VPS50: variants seen among roughly 807,000 people sequenced by gnomAD.
The protein encoded by VPS50 is VPS50 subunit of EARP/GARPII complex, also known as syndetin.
Under a neutral mutation model 139.7 loss-of-function variants are expected in VPS50, and 70 were observed. The ratio of observed to expected loss-of-function variants is 0.50; its 90% CI spans 0.41 to 0.61. VPS50 has a LOEUF of 0.61. Among genes scored for constraint, VPS50 ranks in the 20% least tolerant of loss-of-function variants. The pLI is 0.00. For missense variants in VPS50, 921 were observed against 1,133.7 expected, an observed-to-expected ratio of 0.81 and a Z score of 2.69; for synonymous variants, 365 against 376.7, an observed-to-expected ratio of 0.97 and a Z score of 0.36.
At chr7:93,268,159 T>TAG (rs1795897635) in intron 9 of VPS50, among the ~76,000 whole-genome samples, 1 of 152,160 alleles carries the variant, frequency 6.6e-6, no homozygotes, top group Admixed American at 6.5e-5. Flanking sequence ...CCAAATCATA[T>TAG]AGAATATTGA....
chr7:93,252,956 A>G (rs1468529441), intron 3 of VPS50, among the ~76,000 whole-genome samples, 181 bp downstream of exon 3: 1 of 152,192 alleles, frequency 6.6e-6, no homozygotes, highest in South Asian at 2.1e-4. Flanking sequence ...TATTTTTTGA[A>G]TGTAACTTTA....
chr7:93,257,840 T>G (rs2116837271), intron 6 of VPS50: 1 of 241,856 alleles, frequency 4.1e-6, no homozygotes, highest in East Asian at 8.9e-5. Context: ...AATACAGTCT[T>G]AATTTTTTTA....
At chr7:93,310,341 A>G (rs1471167182) in intron 19 of VPS50, among the ~76,000 whole-genome samples, 1 of 151,992 alleles carries the variant, frequency 6.6e-6, no homozygotes, top group African/African-American at 2.4e-5. Context: ...CTTGTATTTT[A>G]CCACTACCAT....
At chr7:93,256,481 T>G in intron 4 of VPS50, 28 bp from the exon 5 acceptor site, 1 of 1,121,166 alleles carries the variant, frequency 8.9e-7, no homozygotes, top group Non-Finnish European at 1.3e-6. Flanking sequence ...TTCTTTTATT[T>G]CCTTTGTTTG....
intron 20 of VPS50, among the ~76,000 whole-genome samples, chr7:93,312,365 T>TCC (rs2116992370): frequency 6.6e-6 from 1 of 152,270 alleles, no homozygotes; most frequent in South Asian, 2.1e-4. Flanking sequence ...GTCATTGGTG[T>TCC]AAGTTGCCAT....
chr7:93,333,842 C>A, intron 21 of VPS50: 2 of 362,776 alleles, frequency 5.5e-6, no homozygotes, highest in South Asian at 3.1e-5. Context: ...AAAATAATGA[C>A]TCGCGAGAAA....
At chr7:93,290,478 A>G (rs115292191) in intron 12 of VPS50, among the ~76,000 whole-genome samples, 278 of 151,562 alleles carry the variant, frequency 1.8e-3, no homozygotes, top group African/African-American at 6.5e-3. Flanking sequence ...TATTAAGGAA[A>G]TACCTATTCA....
intron 9 of VPS50, among the ~76,000 whole-genome samples, chr7:93,260,512 G>A (rs1053615627): frequency 1.3e-5 from 2 of 151,900 alleles, no homozygotes; most frequent in African/African-American, 4.8e-5. Context: ...TTATAATAGA[G>A]CAAAACATTA....
chr7:93,252,022 C>T lies in VPS50; in HGVS notation c.103-631C>T, dbSNP rs560286583. On this transcript the variant is annotated intron_variant, in intron 2 of 27. Transcript: ENST00000305866. ...ATGCTGTTCTTCAAATCCACAGAAC[C>T]TCCATTCTGTATCATTAGAAAGAAA... 3.7e-3 allele frequency among the ~76,000 whole-genome samples: 567 copies of T among 152,260 alleles called. 1 individual carries two copies. The highest frequency in any genetic ancestry group is 6.7e-3 in the Non-Finnish European group (456 of 68,022).
chr7:93,259,765 G>C (rs1387113106), intron 9 of VPS50, 133 bp downstream of exon 9: 1 of 471,348 alleles, frequency 2.1e-6, no homozygotes, highest in Non-Finnish European at 3.8e-6. Context: ...ATTTATATAT[G>C]GGCAGTACAA....
chr7:93,313,922 T>C (rs574460536), intron 20 of VPS50, among the ~76,000 whole-genome samples: 1 of 152,332 alleles, frequency 6.6e-6, no homozygotes, highest in East Asian at 1.9e-4. Flanking sequence ...TCTTCTCATT[T>C]AGGACTGGGA....
intron 13 of VPS50, 138 bp downstream of exon 13, chr7:93,291,973 A>G (rs1796659908): frequency 5.3e-6 from 3 of 564,906 alleles, no homozygotes; most frequent in Non-Finnish European, 8.9e-6. Flanking sequence ...TATTGAGCAA[A>G]GAAAGTGATT....
At chr7:93,296,151 G>A (rs1247414034) in intron 14 of VPS50, among the ~76,000 whole-genome samples, 2 of 151,934 alleles carry the variant, frequency 1.3e-5, no homozygotes, top group South Asian at 2.1e-4. Context: ...TGATAATTTT[G>A]TATTCGATAT....
intron 16 of VPS50, among the ~76,000 whole-genome samples, chr7:93,298,603 A>G (rs1334507803): frequency 7.9e-5 from 12 of 152,216 alleles, no homozygotes; most frequent in African/African-American, 2.9e-4. Flanking sequence ...TTTATTTAGT[A>G]GCTTCCATTC....
chr7:93,331,626 A>G (rs1473648032), intron 21 of VPS50, among the ~76,000 whole-genome samples: 4 of 152,336 alleles, frequency 2.6e-5, no homozygotes, highest in Middle Eastern at 3.4e-3. Context: ...TTCCAAAACT[A>G]TGAAACTTCT....
intron 17 of VPS50, among the ~76,000 whole-genome samples, chr7:93,304,203 C>CA (rs1201084575): frequency 6.6e-6 from 1 of 151,776 alleles, no homozygotes; most frequent in Non-Finnish European, 1.5e-5. Flanking sequence ...TATCAAGTGT[C>CA]AAAATGCAGT....
At chr7:93,272,451 C>T (rs1355686172) in intron 10 of VPS50, among the ~76,000 whole-genome samples, 184 bp from the exon 11 acceptor site, 1 of 151,816 alleles carries the variant, frequency 6.6e-6, no homozygotes, top group Non-Finnish European at 1.5e-5. Context: ...ATTATAGTTG[C>T]TAATAAATTT....
intron 12 of VPS50, among the ~76,000 whole-genome samples, chr7:93,283,320 C>T (rs910755399): frequency 1.5e-4 from 22 of 151,652 alleles, no homozygotes; most frequent in African/African-American, 5.1e-4. Flanking sequence ...CTCCACCTCC[C>T]GCGTTCAACA....
At chr7:93,254,721 T>C (rs1562852503) in intron 4 of VPS50, among the ~76,000 whole-genome samples, 1 of 152,198 alleles carries the variant, frequency 6.6e-6, no homozygotes, top group Non-Finnish European at 1.5e-5. Context: ...TTTAATGCGG[T>C]AAAATTCTCT....
Sources: gnomAD v4.1 joint callset for allele counts (sites outside exome capture counted in the v4.1 genomes callset) on GRCh38, gnomAD v4.1.1 for gene constraint, MANE v1.5 for transcripts, NCBI Gene and HGNC (gene_info 2026-07-23, HGNC 2026-07-21) for gene names.